Variants in KANSL1 observed in about 807,000 individuals in gnomAD.
KANSL1 encodes MLL1/MLL complex subunit KANSL1.
A neutral mutation model predicts 103.6 loss-of-function variants in KANSL1; 22 were observed. That is an observed-to-expected ratio of 0.21 (90% CI 0.15 to 0.30). The LOEUF (loss-of-function observed/expected upper bound fraction) is 0.30. Ranked by LOEUF, KANSL1 falls within the 10% of genes least tolerant of loss-of-function variation. KANSL1 has a pLI of 1.00. For synonymous variants in KANSL1, 600 were observed against 527.6 expected (o/e 1.14, Z -1.88); for missense variants, 1,337 against 1,399.8 (o/e 0.96, Z 0.72).
chr17:46,088,564 G>A (rs2079252900), intron 3 of KANSL1: 1 of 152,224 alleles, frequency 6.6e-6, no homozygotes, highest in Admixed American at 6.5e-5. Flanking sequence ...CTACAGCTGT[G>A]TAATCTCAAA....
chr17:46,156,026 A>G (rs1290504492), intron 2 of KANSL1, among the ~76,000 whole-genome samples: 1 of 152,204 alleles, frequency 6.6e-6, no homozygotes, highest in African/African-American at 2.4e-5. Context: ...AATATCAGAA[A>G]AAAACTTCTC....
intron 2 of KANSL1, among the ~76,000 whole-genome samples, chr17:46,158,858 A>C (rs2045579088): frequency 6.6e-6 from 1 of 152,212 alleles, no homozygotes; most frequent in African/African-American, 2.4e-5. Flanking sequence ...TTATTTCTGA[A>C]GCATAACACT....
At chr17:46,122,328 C>T (rs1388707821) in intron 2 of KANSL1, among the ~76,000 whole-genome samples, 2 of 152,174 alleles carry the variant, frequency 1.3e-5, no homozygotes, top group Non-Finnish European at 2.9e-5. Context: ...AACACAGCCA[C>T]AAAGCATACC....
At chr17:46,103,410 C>T (rs2042401371) in intron 2 of KANSL1, among the ~76,000 whole-genome samples, 1 of 152,264 alleles carries the variant, frequency 6.6e-6, no homozygotes, top group South Asian at 2.1e-4. Context: ...CTAAATATTT[C>T]GGTATGTTTC....
intron 6 of KANSL1, among the ~76,000 whole-genome samples, chr17:46,053,221 T>G (rs79649865): frequency 0.14 from 21,684 of 151,580 alleles, 2,107 homozygotes; most frequent in Non-Finnish European, 0.22. Context: ...AGGCAGAGGT[T>G]GCAGTGAGCT....
At chr17:46,148,386 C>T (rs1210131245) in intron 2 of KANSL1, 1 of 152,184 alleles carries the variant, frequency 6.6e-6, no homozygotes, top group Non-Finnish European at 1.5e-5. Flanking sequence ...ATAACTATCA[C>T]CTGGTTGGAC....
chr17:46,062,118 C>CAAAAAAA (rs66529773), intron 6 of KANSL1, among the ~76,000 whole-genome samples: 7 of 108,776 alleles, frequency 6.4e-5, no homozygotes, highest in South Asian at 3.4e-4. Context: ...AACAAACAAA[C>CAAAAAAA]AAAAAAAAAA....
intron 2 of KANSL1, among the ~76,000 whole-genome samples, chr17:46,161,456 T>C (rs1325322113): frequency 6.6e-6 from 1 of 151,704 alleles, no homozygotes; most frequent in Non-Finnish European, 1.5e-5. Context: ...AAACCTTGTT[T>C]CCTAGCTCAC....
At position 46,102,766 on chromosome 17, in the gene KANSL1, C is replaced by T. The variant is rs59903563; in HGVS notation, c.1290-8065G>A. 1.9e-3 allele frequency among the ~76,000 whole-genome samples: 296 copies of T among 152,294 alleles called. 4 individuals carry two copies. The highest frequency in any genetic ancestry group is 7.0e-3 in the African/African-American group (289 of 41,560). ...CAAATATTTAAGCAACTATTAGTTA[C>T]CAAGAATTAGACTAGGTTAGGGATG... On this transcript the variant is annotated intron_variant, in intron 2 of 14. Coordinates refer to ENST00000432791, the MANE Select transcript of KANSL1 (RefSeq NM_015443.4).
At chr17:46,214,651 G>A (rs554670440) in intron 1 of KANSL1, among the ~76,000 whole-genome samples, 17 of 150,154 alleles carry the variant, frequency 1.1e-4, no homozygotes, top group Non-Finnish European at 2.1e-4. Flanking sequence ...GCGAAATTCC[G>A]TCTCAAAAAA....
upstream of KANSL1, among the ~76,000 whole-genome samples, chr17:46,198,753 ACT>A: frequency 6.6e-6 from 1 of 152,308 alleles, no homozygotes; most frequent in Non-Finnish European, 1.5e-5. Context: ...CCCTGTCTAG[ACT>A]CTAGCAAACA....
At chr17:46,040,584 C>A (rs2077280903) in intron 7 of KANSL1, 1 of 152,226 alleles carries the variant, frequency 6.6e-6, no homozygotes, top group African/African-American at 2.4e-5. Flanking sequence ...TAAAGCTATT[C>A]AATTCTTCCG....
intron 1 of KANSL1, among the ~76,000 whole-genome samples, chr17:46,180,883 A>G (rs1279319619): frequency 6.6e-6 from 1 of 152,220 alleles, no homozygotes; most frequent in Non-Finnish European, 1.5e-5. Context: ...ATATATATGT[A>G]TATGTATATA....
In KANSL1 at chr17:46,039,816, T is replaced by C; in HGVS notation, c.2089A>G (p.Ile697Val). The change falls in exon 8 of 15, where the codon ATC becomes GTC. Residue 697 changes from isoleucine to valine, a missense_variant. Transcript: ENST00000432791. ...AGCGATAACTTTTTGGGAGGTTTGA[T>C]TTTGTCAAAAGGCTTGTTCTGCCAC... ...SQWQNKPFDK[I>V]KPPKKLSLKH... The C allele has an allele frequency of 6.2e-7, 1 of 1,614,222 alleles. No homozygotes were observed. Among genetic ancestry groups the C allele is most frequent in the South Asian group, 1.1e-5 (1 of 91,080 alleles).
At chr17:46,072,496 T>A (rs565836441) in intron 4 of KANSL1, among the ~76,000 whole-genome samples, 1 of 152,176 alleles carries the variant, frequency 6.6e-6, no homozygotes, top group East Asian at 1.9e-4. Flanking sequence ...GTTAAAATAG[T>A]TTTTGACTTT....
At chr17:46,099,434 T>C (rs2042219223) in intron 2 of KANSL1, among the ~76,000 whole-genome samples, 3 of 151,658 alleles carry the variant, frequency 2.0e-5, no homozygotes, top group Non-Finnish European at 4.4e-5. Context: ...AATTTATCAC[T>C]CTGACAATTT....
intron 2 of KANSL1, among the ~76,000 whole-genome samples, chr17:46,143,287 A>T (rs1038399545): frequency 6.6e-6 from 1 of 152,186 alleles, no homozygotes; most frequent in Non-Finnish European, 1.5e-5. Flanking sequence ...TGAAGTCAGG[A>T]GTTCAAGACC....
intron 6 of KANSL1, among the ~76,000 whole-genome samples, chr17:46,064,964 T>G (rs898711913): frequency 5.3e-5 from 8 of 151,938 alleles, no homozygotes; most frequent in African/African-American, 9.6e-5. Context: ...CGTGTGTTTT[T>G]TTTGTTTGTT....
At chr17:46,153,210 C>T (rs1462172427) in intron 2 of KANSL1, among the ~76,000 whole-genome samples, 1 of 152,148 alleles carries the variant, frequency 6.6e-6, no homozygotes, top group East Asian at 1.9e-4. Context: ...AGGTACGCAG[C>T]TCATCAACGC....
Sources: allele counts gnomAD v4.1 joint callset (sites outside exome capture counted in the v4.1 genomes callset), GRCh38; gene constraint gnomAD v4.1.1; transcripts MANE v1.5; gene names NCBI Gene and HGNC (gene_info 2026-07-23, HGNC 2026-07-21).